Variants in TNIK observed in about 807,000 individuals in gnomAD.
TNIK encodes the protein TRAF2 and NCK interacting kinase.
Under a neutral mutation model 191.3 loss-of-function variants are expected in TNIK, and 49 were observed. That is an observed-to-expected ratio of 0.26 (90% CI 0.20 to 0.32). TNIK has a LOEUF of 0.32. TNIK is among the 10% of genes least tolerant of loss of function. The probability of loss-of-function intolerance (pLI) is 1.00; values close to 1 mark genes in which losing one functional copy is unlikely to be tolerated. For missense variants in TNIK, 1,155 were observed against 1,702.3 expected, an observed-to-expected ratio of 0.68 and a Z score of 5.66; for synonymous variants, 594 against 600.9, an observed-to-expected ratio of 0.99 and a Z score of 0.17.
At chr3:171,129,705 A>G (rs1424186152) in intron 15 of TNIK, among the ~76,000 whole-genome samples, 3 of 152,182 alleles carry the variant, frequency 2.0e-5, no homozygotes, top group African/African-American at 7.2e-5. Flanking sequence ...CCCAAAGCAG[A>G]TAACAGATCC....
At chr3:171,342,951 G>A (rs938044214) in intron 2 of TNIK, among the ~76,000 whole-genome samples, 4 of 152,174 alleles carry the variant, frequency 2.6e-5, no homozygotes, top group Non-Finnish European at 5.9e-5. Flanking sequence ...CCCTGCACCT[G>A]CTCTCTTGCC....
chr3:171,306,443 A>G (rs1397843802), intron 2 of TNIK, among the ~76,000 whole-genome samples: 1 of 152,204 alleles, frequency 6.6e-6, no homozygotes, highest in African/African-American at 2.4e-5. Flanking sequence ...CCAACTTTGC[A>G]TCACAGATCT....
At chr3:171,283,286 T>C (rs1428706983) in intron 2 of TNIK, among the ~76,000 whole-genome samples, 4 of 152,200 alleles carry the variant, frequency 2.6e-5, no homozygotes, top group African/African-American at 7.2e-5. Flanking sequence ...TTCTTTCCTC[T>C]TTTTCCACAA....
chr3:171,367,804 G>A (rs938064602), intron 2 of TNIK, among the ~76,000 whole-genome samples: 3 of 152,074 alleles, frequency 2.0e-5, no homozygotes, highest in Non-Finnish European at 4.4e-5. Context: ...ATTCTCATTT[G>A]ACTAATACAC....
chr3:171,069,960 C>G (rs570913412), intron 29 of TNIK, among the ~76,000 whole-genome samples: 1 of 152,344 alleles, frequency 6.6e-6, no homozygotes, highest in South Asian at 2.1e-4. Flanking sequence ...TTTGCCTTTG[C>G]TCTTCCCTCT....
chr3:171,202,083 C>A (rs78937579), intron 4 of TNIK, among the ~76,000 whole-genome samples: 5,094 of 152,236 alleles, frequency 0.033, 202 homozygotes, highest in African/African-American at 0.1. Flanking sequence ...GCCTATGTCT[C>A]AAGAGACAGA....
intron 2 of TNIK, among the ~76,000 whole-genome samples, chr3:171,342,788 C>G (rs1370661472): frequency 2.0e-5 from 3 of 152,180 alleles, no homozygotes; most frequent in African/African-American, 7.2e-5. Context: ...TGTCCCCACC[C>G]AAATCTCATA....
chr3:171,253,281 CA>C (rs5854409), intron 2 of TNIK, among the ~76,000 whole-genome samples: 162 of 135,882 alleles, frequency 1.2e-3, no homozygotes, highest in Admixed American at 1.5e-3. Context: ...AAGACTGTCT[CA>C]AAAAAAAAAA....
chr3:171,211,053 A>G, intron 4 of TNIK, 63 bp downstream of exon 4: 1 of 1,591,076 alleles, frequency 6.3e-7, no homozygotes, highest in Non-Finnish European at 8.5e-7. Flanking sequence ...GGATAGAAAA[A>G]TGAACCATTT....
intron 1 of TNIK, among the ~76,000 whole-genome samples, chr3:171,376,811 AG>A (rs1204469350): frequency 6.7e-6 from 1 of 148,356 alleles, no homozygotes; most frequent in African/African-American, 2.6e-5. Flanking sequence ...ATATGGCTAT[AG>A]GTAGGTAAAA....
chr3:171,119,680 C>G (rs1727344010), intron 18 of TNIK, among the ~76,000 whole-genome samples: 1 of 147,804 alleles, frequency 6.8e-6, no homozygotes, highest in South Asian at 2.1e-4. Flanking sequence ...TCATTCTCAG[C>G]AAACTATCGC....
At chr3:171,297,902 A>G (rs1752484377) in intron 2 of TNIK, among the ~76,000 whole-genome samples, 1 of 152,260 alleles carries the variant, frequency 6.6e-6, no homozygotes. Flanking sequence ...AAGAGTGGCA[A>G]TTAAATCTCT....
chr3:171,367,962 G>A (rs2108488419), intron 2 of TNIK, among the ~76,000 whole-genome samples: 1 of 152,236 alleles, frequency 6.6e-6, no homozygotes, highest in South Asian at 2.1e-4. Flanking sequence ...ACCACCAAGA[G>A]AATGGAATCC....
chr3:171,347,230 A>G (rs1712361407), intron 2 of TNIK: 2 of 1,526,346 alleles, frequency 1.3e-6, no homozygotes, highest in Non-Finnish European at 1.7e-6. Flanking sequence ...TGAAAAAAAA[A>G]AAAAAAGAAA....
chr3:171,455,097 C>T (rs540292571), intron 1 of TNIK, among the ~76,000 whole-genome samples: 8 of 152,274 alleles, frequency 5.3e-5, no homozygotes, highest in African/African-American at 1.9e-4. Flanking sequence ...ATGCTTAATA[C>T]TGGGGGCGCA....
chr3:171,131,811 C>A (rs1333291852), intron 15 of TNIK, among the ~76,000 whole-genome samples: 1 of 152,180 alleles, frequency 6.6e-6, no homozygotes, highest in Non-Finnish European at 1.5e-5. Context: ...AGTGGCACTT[C>A]TCCTAATAAT....
intron 1 of TNIK, among the ~76,000 whole-genome samples, chr3:171,395,033 A>G (rs189523290): frequency 3.3e-3 from 505 of 152,276 alleles, no homozygotes; most frequent in Admixed American, 8.2e-3. Context: ...AAACTAAACA[A>G]TATACGGCTT....
chr3:171,303,350 A>C (rs1753084529), intron 2 of TNIK, among the ~76,000 whole-genome samples: 1 of 152,200 alleles, frequency 6.6e-6, no homozygotes, highest in Non-Finnish European at 1.5e-5. Context: ...TGACATTAGC[A>C]TGATTTCAAT....
chr3:171,119,554 A>G (rs1033688179), intron 18 of TNIK, among the ~76,000 whole-genome samples: 8 of 152,246 alleles, frequency 5.3e-5, no homozygotes, highest in Non-Finnish European at 8.8e-5. Flanking sequence ...CCAAATGTCC[A>G]ACAATGATAG....
Sources: allele counts gnomAD v4.1 joint callset (sites outside exome capture counted in the v4.1 genomes callset), GRCh38; gene constraint gnomAD v4.1.1; transcripts MANE v1.5; gene names NCBI Gene and HGNC (gene_info 2026-07-23, HGNC 2026-07-21).